THSD4: variants seen among roughly 807,000 people sequenced by gnomAD.
THSD4 encodes thrombospondin type 1 domain containing 4, also known as thrombospondin type-1 domain-containing protein 4.
In THSD4, 69 loss-of-function variants were observed where a neutral mutation model predicts 119.0. The observed-to-expected ratio is 0.58, with a 90% confidence interval of 0.48 to 0.71. The LOEUF (loss-of-function observed/expected upper bound fraction) is 0.71. Ranked by LOEUF, THSD4 falls within the 30% of genes least tolerant of loss-of-function variation. The pLI, the probability that THSD4 is intolerant of heterozygous loss-of-function variation, is 0.00. For synonymous variants in THSD4, 524 were observed against 540.4 expected, an observed-to-expected ratio of 0.97 and a Z score of 0.42; for missense variants, 1,393 against 1,391.1, an observed-to-expected ratio of 1.00 and a Z score of -0.02.
intron 7 of THSD4, among the ~76,000 whole-genome samples, chr15:71,506,179 C>G (rs72735333): frequency 1.3e-5 from 2 of 152,286 alleles, no homozygotes; most frequent in Admixed American, 6.5e-5. Context: ...TGTTCCTTAA[C>G]TCCCATCTGT....
At chr15:71,207,321 C>T (rs748925377) in intron 3 of THSD4, among the ~76,000 whole-genome samples, 7 of 152,202 alleles carry the variant, frequency 4.6e-5, no homozygotes, top group Non-Finnish European at 8.8e-5. Flanking sequence ...GTTACTCTGG[C>T]TGTGGTCAAT....
intron 6 of THSD4, among the ~76,000 whole-genome samples, chr15:71,395,143 T>G (rs974973649): frequency 2.6e-5 from 4 of 151,926 alleles, no homozygotes; most frequent in African/African-American, 9.7e-5. Context: ...GCCTTAGGAG[T>G]CGGATGCGGA....
intron 6 of THSD4, among the ~76,000 whole-genome samples, chr15:71,398,421 G>A (rs953486047): frequency 2.0e-5 from 3 of 152,202 alleles, no homozygotes; most frequent in African/African-American, 4.8e-5. Context: ...TGGGGAGAGG[G>A]CAGGAAACTT....
At position 71,108,413 on chromosome 15, in the gene THSD4, C is replaced by T. The variant is rs1596201735; in HGVS notation, c.-80+11407C>T. Among the ~76,000 whole-genome samples, 8 of 152,304 alleles carry T rather than the reference C, an allele frequency of 5.3e-5. 1 individual carries two copies. In the South Asian group the frequency reaches 1.7e-3, roughly 32 times the overall value. ...AACTCCAAAGAAGAAAAATAATAAC[C>T]TGATTAGATTAAATATGCTTTGAGC... On this transcript the variant is annotated intron_variant, in intron 1 of 17. Coordinates refer to the THSD4 transcript ENST00000355327.
chr15:71,578,509 T>C (rs1027166235), intron 7 of THSD4, among the ~76,000 whole-genome samples: 2 of 152,132 alleles, frequency 1.3e-5, no homozygotes, highest in African/African-American at 4.8e-5. Context: ...TTTGTGACTT[T>C]CTTTTTTGGT....
chr15:71,398,955 G>A (rs1309570978), intron 6 of THSD4, among the ~76,000 whole-genome samples: 1 of 152,000 alleles, frequency 6.6e-6, no homozygotes, highest in African/African-American at 2.4e-5. Context: ...AAAGTCCCCA[G>A]GCCCCCATGA....
upstream of THSD4, among the ~76,000 whole-genome samples, chr15:71,112,558 C>T (rs1313433934): frequency 1.3e-5 from 2 of 152,170 alleles, no homozygotes; most frequent in African/African-American, 4.8e-5. Context: ...TAGTGAGTAG[C>T]TCACCACATC....
chr15:71,765,788 CTCTGTG>C (rs528725550), intron 16 of THSD4, among the ~76,000 whole-genome samples: 1,272 of 123,266 alleles, frequency 0.01, 17 homozygotes, highest in African/African-American at 0.051. Flanking sequence ...CGCACACACT[CTCTGTG>C]TGTGTGTGTG....
intron 7 of THSD4, among the ~76,000 whole-genome samples, chr15:71,426,568 T>A (rs911149778): frequency 6.6e-6 from 1 of 152,200 alleles, no homozygotes; most frequent in Non-Finnish European, 1.5e-5. Context: ...TTTAGTCCAA[T>A]GAAACCAAGA....
intron 7 of THSD4, among the ~76,000 whole-genome samples, chr15:71,591,591 A>G (rs4459504): frequency 0.42 from 63,975 of 151,960 alleles, 13,625 homozygotes; most frequent in East Asian, 0.63. Flanking sequence ...TTCAAGGACA[A>G]ACACCTGGTG....
intron 7 of THSD4, among the ~76,000 whole-genome samples, chr15:71,602,346 G>A (rs1278822962): frequency 1.3e-5 from 2 of 151,880 alleles, no homozygotes; most frequent in Non-Finnish European, 2.9e-5. Flanking sequence ...CTGAGGTCGG[G>A]AGTTCAAGAC....
At chr15:71,623,951 A>G (rs1208516862) in intron 7 of THSD4, among the ~76,000 whole-genome samples, 1 of 151,568 alleles carries the variant, frequency 6.6e-6, no homozygotes, top group Non-Finnish European at 1.5e-5. Flanking sequence ...AAATCTAATC[A>G]GATAATCAAG....
At chr15:71,327,947 A>T (rs1453386875) in intron 6 of THSD4, among the ~76,000 whole-genome samples, 1 of 152,238 alleles carries the variant, frequency 6.6e-6, no homozygotes, top group African/African-American at 2.4e-5. Flanking sequence ...TTTTTCAATT[A>T]AACATACTGT....
At chr15:71,500,450 G>A (rs1347750077) in intron 7 of THSD4, among the ~76,000 whole-genome samples, 1 of 151,998 alleles carries the variant, frequency 6.6e-6, no homozygotes, top group Non-Finnish European at 1.5e-5. Flanking sequence ...GTTGATTGTT[G>A]CCGTGGCTGA....
chr15:71,669,868 A>G (rs1445157496), intron 8 of THSD4, among the ~76,000 whole-genome samples: 2 of 152,220 alleles, frequency 1.3e-5, no homozygotes, highest in African/African-American at 4.8e-5. Flanking sequence ...TTAGAGGCAT[A>G]TGAGGATTCA....
At chr15:71,626,277 GC>G (rs2050508351) in intron 7 of THSD4, among the ~76,000 whole-genome samples, 1 of 152,126 alleles carries the variant, frequency 6.6e-6, no homozygotes, top group African/African-American at 2.4e-5. Flanking sequence ...GCAAACAATG[GC>G]AACCTTTTCT....
rs1220757847 is a variant in THSD4 at position 71,319,399 on chromosome 15, T to TC, written c.1015+62690dup. On this transcript the variant is annotated intron_variant, in intron 6 of 17. Coordinates refer to ENST00000261862, the MANE Select transcript of THSD4 (RefSeq NM_024817.3). Reference sequence around the variant, plus strand: ...AATGCTATCCCTCCCCCCTCCCCCTTCCCCCCACCCCACAACAGGTCCCAG... The same window carrying TC: ...AATGCTATCCCTCCCCCCTCCCCCTTCCCCCCCACCCCACAACAGGTCCCAG... 7.3e-5 allele frequency among the ~76,000 whole-genome samples: 6 copies of TC among 82,474 alleles called. No individual in the cohort carries two copies. In the Admixed American group the frequency reaches 7.5e-4, roughly 10 times the overall value. The allele number at this position is 82,474 out of a possible 152,430, so 54.1% of individuals were successfully genotyped here.
chr15:71,243,975 C>CG (rs2044177389), intron 5 of THSD4, among the ~76,000 whole-genome samples: 1 of 151,470 alleles, frequency 6.6e-6, no homozygotes, highest in African/African-American at 2.4e-5. Context: ...TTAGTAGAGA[C>CG]GGGGTTTCAC....
At chr15:71,207,120 T>C (rs2043850433) in intron 3 of THSD4, among the ~76,000 whole-genome samples, 1 of 152,244 alleles carries the variant, frequency 6.6e-6, no homozygotes, top group Non-Finnish European at 1.5e-5. Flanking sequence ...TTGACCCTCA[T>C]TTATTTGACC....
Sources: gnomAD v4.1 joint callset for allele counts (sites outside exome capture counted in the v4.1 genomes callset) on GRCh38, gnomAD v4.1.1 for gene constraint, MANE v1.5 for transcripts, NCBI Gene and HGNC (gene_info 2026-07-23, HGNC 2026-07-21) for gene names.